The following TMC2 variants were observed in gnomAD, a reference collection of about 807,000 sequenced individuals.
TMC2 encodes transmembrane channel-like protein 2.
TMC2 carries 102 observed loss-of-function variants against 105.9 expected under a neutral mutation model. That is an observed-to-expected ratio of 0.96 (90% CI 0.82 to 1.14). The LOEUF (loss-of-function observed/expected upper bound fraction) is 1.14. TMC2 is among the 50% of genes most tolerant of loss of function. The pLI, the probability that TMC2 is intolerant of heterozygous loss-of-function variation, is 0.00. For synonymous variants in TMC2, 402 were observed against 422.8 expected, an observed-to-expected ratio of 0.95 and a Z score of 0.60; for missense variants, 1,093 against 1,134.3, an observed-to-expected ratio of 0.96 and a Z score of 0.52.
At chr20:2,583,940 A>C (rs905283034) in intron 7 of TMC2, among the ~76,000 whole-genome samples, 38 of 152,178 alleles carry the variant, frequency 2.5e-4, no homozygotes, top group Non-Finnish European at 4.4e-4. Flanking sequence ...TAAGCCTCTA[A>C]CATTTTAGGG....
At chr20:2,576,243 C>T (rs2086143454) in intron 5 of TMC2, among the ~76,000 whole-genome samples, 1 of 152,164 alleles carries the variant, frequency 6.6e-6, no homozygotes. Flanking sequence ...CATCCTAGGA[C>T]CAGCAGCAAC....
At chr20:2,546,825 A>G (rs1378311244) in intron 2 of TMC2, among the ~76,000 whole-genome samples, 1 of 152,170 alleles carries the variant, frequency 6.6e-6, no homozygotes, top group African/African-American at 2.4e-5. Flanking sequence ...TATTACTGAA[A>G]ACTTTCAAAA....
chr20:2,583,159 C>T (rs990249318), intron 7 of TMC2, among the ~76,000 whole-genome samples: 1 of 152,194 alleles, frequency 6.6e-6, no homozygotes, highest in African/African-American at 2.4e-5. Context: ...TCTATGATAA[C>T]CTCCAATGAT....
At chr20:2,579,881 A>G (rs1055053806) in intron 6 of TMC2, 69 bp from the exon 7 acceptor site, 46 of 938,276 alleles carry the variant, frequency 4.9e-5, no homozygotes, top group Non-Finnish European at 7.6e-5. Flanking sequence ...CACCACACAC[A>G]TAAAGTGCTC....
rs536474266 is a variant in TMC2 at position 2,632,350 on chromosome 20, G to C, written c.2307-3576G>C. ...TTGGTTATTTTATTTATTTCTTTTT[G>C]CTAATATTCTTTATTTGGTGAGACA... is the stretch of plus-strand genomic sequence containing the variant. On this transcript the variant is annotated intron_variant, in intron 17 of 19. Transcript: ENST00000358864. Among the ~76,000 whole-genome samples, 35 of 152,018 alleles carry C rather than the reference G, an allele frequency of 2.3e-4. No individual in the cohort carries two copies. In the East Asian group the frequency reaches 6.6e-3, roughly 29 times the overall value.
At chr20:2,593,592 C>A (rs1001025049) in intron 8 of TMC2, among the ~76,000 whole-genome samples, 1 of 152,162 alleles carries the variant, frequency 6.6e-6, no homozygotes, top group African/African-American at 2.4e-5. Flanking sequence ...AAAACCAGTT[C>A]TTTAATCAAA....
chr20:2,624,193 G>A, intron 16 of TMC2, 78 bp from the exon 17 acceptor site: 2 of 1,498,612 alleles, frequency 1.3e-6, no homozygotes, highest in South Asian at 2.6e-5. Context: ...CTGGACCTGG[G>A]TAGGGGGGCC....
chr20:2,637,171 C>CT (rs1245675578), intron 18 of TMC2, among the ~76,000 whole-genome samples: 2 of 151,644 alleles, frequency 1.3e-5, no homozygotes, highest in Non-Finnish European at 2.9e-5. Context: ...GGTGGATCAC[C>CT]TCAAGTCAGG....
chr20:2,541,605 C>T (rs1210224043), intron 2 of TMC2, among the ~76,000 whole-genome samples: 1 of 150,816 alleles, frequency 6.6e-6, no homozygotes, highest in Admixed American at 6.6e-5. Context: ...TGCACCACTG[C>T]CCTCCAGACT....
intron 17 of TMC2, among the ~76,000 whole-genome samples, chr20:2,625,489 G>T (rs184160152): frequency 1.3e-5 from 2 of 152,030 alleles, no homozygotes; most frequent in African/African-American, 4.8e-5. Context: ...TACTGTTTCC[G>T]GAGTTTTAAA....
chr20:2,584,651 A>G (rs1297042383), intron 7 of TMC2, among the ~76,000 whole-genome samples: 1 of 152,158 alleles, frequency 6.6e-6, no homozygotes, highest in Non-Finnish European at 1.5e-5. Flanking sequence ...CTTATTTTCT[A>G]AAATCACAGT....
At chr20:2,609,802 G>T (rs1045341000) in intron 11 of TMC2, among the ~76,000 whole-genome samples, 2 of 152,088 alleles carry the variant, frequency 1.3e-5, no homozygotes, top group Non-Finnish European at 2.9e-5. Flanking sequence ...TGACCAACTT[G>T]CAATTTGCAG....
chr20:2,573,660 A>C (rs1439518968), intron 5 of TMC2, among the ~76,000 whole-genome samples: 1 of 144,670 alleles, frequency 6.9e-6, no homozygotes, highest in Admixed American at 7.3e-5. Context: ...TCCCGGGTTC[A>C]CGCCATTCTC....
rs550086283 is a variant in TMC2, at chr20:2,580,046, T to C, written c.824T>C (p.Ile275Thr). 6.2e-7 allele frequency: 1 copy of C among 1,607,052 alleles called. No homozygotes were observed. Among genetic ancestry groups the C allele is most frequent in the African/African-American group, 1.3e-5 (1 of 74,894 alleles). ...VLFGLIFGLV[I>T]IPEVLMGMPY... ...TTTGGCTTAATATTTGGTCTAGTCA[T>C]AATCCCAGAGGTAAGAAAAGAACTT... is the stretch of plus-strand genomic sequence containing the variant. Residue 275 changes from isoleucine to threonine, a missense_variant, in exon 7 of 20, where the codon ATA (isoleucine) becomes ACA (threonine). Physicochemically the swap from Ile to Thr is moderately conservative, Grantham distance 89. Coordinates refer to ENST00000358864, the MANE Select transcript of TMC2 (RefSeq NM_080751.3).
intron 7 of TMC2, among the ~76,000 whole-genome samples, chr20:2,583,980 T>C (rs1443169305): frequency 6.6e-6 from 1 of 152,192 alleles, no homozygotes; most frequent in Non-Finnish European, 1.5e-5. Context: ...AGATGACTAA[T>C]GCAGCTCCCC....
chr20:2,564,150 C>CTTT (rs71193976), intron 4 of TMC2, among the ~76,000 whole-genome samples: 41,631 of 119,838 alleles, frequency 0.35, 9,079 homozygotes, highest in South Asian at 0.53. Context: ...TCAGCCTCCT[C>CTTT]TTTTTTTTTT....
chr20:2,552,198 C>G (rs537030087), intron 2 of TMC2, among the ~76,000 whole-genome samples: 43 of 152,294 alleles, frequency 2.8e-4, no homozygotes, highest in African/African-American at 9.9e-4. Flanking sequence ...TTCAAGGCTG[C>G]AGTGAGCTAT....
intron 8 of TMC2, among the ~76,000 whole-genome samples, chr20:2,594,412 G>C (rs752303261): frequency 6.6e-6 from 1 of 152,074 alleles, no homozygotes; most frequent in South Asian, 2.1e-4. Flanking sequence ...ATTTTTAGTA[G>C]AGACAAGGTT....
chr20:2,587,436 C>A (rs1255828025), intron 7 of TMC2, among the ~76,000 whole-genome samples: 1 of 151,824 alleles, frequency 6.6e-6, no homozygotes, highest in African/African-American at 2.4e-5. Flanking sequence ...AGAATTTTTG[C>A]ATCTATTTTT....
Sources: allele counts gnomAD v4.1 joint callset (sites outside exome capture counted in the v4.1 genomes callset), GRCh38; gene constraint gnomAD v4.1.1; transcripts MANE v1.5; gene names NCBI Gene and HGNC (gene_info 2026-07-23, HGNC 2026-07-21).